The following YBX3 variants were observed in gnomAD, a reference collection of about 807,000 sequenced individuals.
The protein encoded by YBX3 is Y-box binding protein 3.
A neutral mutation model predicts 42.4 loss-of-function variants in YBX3; 29 were observed. The observed-to-expected ratio is 0.68, with a 90% CI of 0.51 to 0.93. The LOEUF (loss-of-function observed/expected upper bound fraction) is 0.93, where lower values mean the gene tolerates loss of function less well. Among genes scored for constraint, YBX3 ranks in the 40% least tolerant of loss-of-function variants. The pLI, the probability that YBX3 is intolerant of heterozygous loss-of-function variation, is 0.00. For missense variants in YBX3, 517 were observed against 527.5 expected (o/e 0.98, Z 0.19); for synonymous variants, 195 against 189.8 (o/e 1.03, Z -0.22).
At position 10,709,953 on chromosome 12, in the gene YBX3, G is replaced by A. The variant is rs753515446; in HGVS notation, c.735C>T (p.Thr245=). 1.2e-6 allele frequency: 2 copies of A among 1,614,256 alleles called. No individual in the cohort carries two copies. Among genetic ancestry groups the A allele is most frequent in the Admixed American group, 3.3e-5 (2 of 60,036 alleles). ...RRFPPYHVGQ[T]FDRRSRVLPH... ...GTAAGACCCGTGAGCGACGGTCAAA[G>A]GTCTGTCCCACGTGGTAAGGCGGGA... Residue 245 remains threonine (T), a synonymous_variant, in exon 6 of 10, where the codon ACC becomes ACT. Transcript: ENST00000228251.
chr12:10,700,718 G>A (rs1372925012), intron 9 of YBX3, among the ~76,000 whole-genome samples: 2 of 152,096 alleles, frequency 1.3e-5, no homozygotes, highest in African/African-American at 4.8e-5. Flanking sequence ...AGATAGTACT[G>A]AGACAGAGGA....
chr12:10,700,767 T>C (rs1948069365), intron 9 of YBX3, among the ~76,000 whole-genome samples: 1 of 152,130 alleles, frequency 6.6e-6, no homozygotes, highest in Non-Finnish European at 1.5e-5. Context: ...AGAGGTACAG[T>C]AGAGCCTGCA....
In YBX3 at chr12:10,704,085, G is replaced by T; in HGVS notation, c.844C>A (p.His282Asn). Residue 282 changes from histidine to asparagine, a missense_variant, in exon 7 of 10, where the codon CAT becomes AAT. By Grantham distance (68) the His-to-Asn change is moderately conservative. Coordinates refer to ENST00000228251, the MANE Select transcript of YBX3 (RefSeq NM_003651.5). ...CTTGGGCGGTAAGTTGGATTTCGATGAACCGGTCCCTGAAGTTGTGCTCCC... is the reference window on the plus strand; with the variant it reads ...CTTGGGCGGTAAGTTGGATTTCGATTAACCGGTCCCTGAAGTTGTGCTCCC... ...PEGAQLQGPV[H>N]RNPTYRPRYR... The T allele has an allele frequency of 6.2e-7, 1 of 1,614,178 alleles. No homozygotes were observed. The highest frequency in any genetic ancestry group is 8.5e-7 in the Non-Finnish European group (1 of 1,180,038).
At chr12:10,703,267 A>G (rs1192569555) in intron 7 of YBX3, 1 of 152,420 alleles carries the variant, frequency 6.6e-6, no homozygotes, top group Non-Finnish European at 1.5e-5. Flanking sequence ...CATAAACATC[A>G]TTCAGGAAGA....
At chr12:10,709,285 G>A (rs1296219301) in intron 6 of YBX3, among the ~76,000 whole-genome samples, 1 of 152,082 alleles carries the variant, frequency 6.6e-6, no homozygotes, top group Non-Finnish European at 1.5e-5. Context: ...ATTGATGTAA[G>A]GTTTATTAAG....
chr12:10,713,398 C>T (rs1172992409), intron 4 of YBX3, 65 bp from the exon 5 acceptor site: 1 of 1,564,870 alleles, frequency 6.4e-7, no homozygotes, highest in African/African-American at 1.4e-5. Flanking sequence ...AAAAAACAGC[C>T]TTGGACTGCT....
Position 10,702,142 on chromosome 12 carries a change from G to C in YBX3, c.879-8C>G, listed in dbSNP as rs760389487. The C allele has an allele frequency of 6.2e-7, 1 of 1,609,442 alleles. No individual in the cohort carries two copies. The highest frequency in any genetic ancestry group is 8.5e-7 in the Non-Finnish European group (1 of 1,177,952). ...GGGCGAGGAGGTCCCCTGCTGTAGG[G>C]AACACAGAAGAAAATAGAACAGGTG... On this transcript the variant is annotated splice_polypyrimidine_tract_variant and splice_region_variant and intron_variant, in intron 7 of 9. Transcript: ENST00000228251.
At chr12:10,710,651 TG>T in intron 5 of YBX3, 1 of 1,135,548 alleles carries the variant, frequency 8.8e-7, no homozygotes, top group Non-Finnish European at 1.2e-6. Flanking sequence ...AGATGCTATT[TG>T]CCTTTCCCAG....
chr12:10,713,260 C>T lies in YBX3; in HGVS notation c.524G>A (p.Arg175His), dbSNP rs556212469. ...TCCATAGTAGCCACGTCTGTAACGGCGCCGATCTGCAGCGTAACGACTCCC... is the reference window on the plus strand; with the variant it reads ...TCCATAGTAGCCACGTCTGTAACGGTGCCGATCTGCAGCGTAACGACTCCC... ...VEGSRYAADRRRYRRGYYGRR... is the reference protein window; with the variant it reads ...VEGSRYAADRHRYRRGYYGRR... The change falls in exon 5 of 10, where the codon CGC becomes CAC. Residue 175 changes from arginine to histidine, a missense_variant. Around this residue, in one of 3 missense-constraint regions of YBX3, gnomAD observed 420 missense variants for 408.5 expected, o/e 1.03. Transcript: ENST00000228251. 127 of 1,614,048 alleles carry T rather than the reference C, an allele frequency of 7.9e-5. No homozygotes were observed. The East Asian group carries it at 2.4e-3, about 30-fold the overall frequency.
chr12:10,716,921 C>T (rs964981221), intron 3 of YBX3, among the ~76,000 whole-genome samples: 3 of 152,114 alleles, frequency 2.0e-5, no homozygotes, highest in Admixed American at 1.3e-4. Context: ...GGGCTGGAAT[C>T]GGGTCATATA....
chr12:10,722,889 T>TAAAGAGGCGGC lies in YBX3; in HGVS notation c.222_223insGCCGCCTCTTT (p.Thr75AlafsTer37). 3 of 1,472,694 alleles carry TAAAGAGGCGGC rather than the reference T, an allele frequency of 2.0e-6. No homozygotes were observed. Among genetic ancestry groups the TAAAGAGGCGGC allele is most frequent in the Non-Finnish European group, 1.8e-6 (2 of 1,112,046 alleles). The allele number at this position is 1,472,694 out of a possible 1,614,324, so 91.2% of individuals were successfully genotyped here. A position where few individuals can be genotyped will look rare whatever the true frequency, so the allele number is the denominator to read the frequency against. The stretch of plus-strand genomic sequence containing the variant: ...TCCGCGTCTTCGCTGCCGGCGGCGG[T>TAAAGAGGCGGC]GGCTAAAGAGGCGGCGGCCGCGGTG... On this transcript the variant is annotated frameshift_variant, in exon 1 of 10. Transcript: ENST00000228251. LOFTEE classifies it high-confidence loss of function.
intron 6 of YBX3, among the ~76,000 whole-genome samples, chr12:10,708,378 C>T (rs755852131): frequency 4.6e-5 from 7 of 151,602 alleles, no homozygotes; most frequent in Non-Finnish European, 7.4e-5. Flanking sequence ...AAAACGTTGG[C>T]GAAGACTTTT....
At position 10,713,322 on chromosome 12, in the gene YBX3, A is replaced by G. The variant is rs1197180015; in HGVS notation, c.462T>C (p.Ala154=). The G allele has an allele frequency of 6.2e-7, 1 of 1,613,954 alleles. No individual in the cohort carries two copies. The highest frequency in any genetic ancestry group is 8.5e-7 in the Non-Finnish European group (1 of 1,180,012). The stretch of plus-strand genomic sequence containing the variant: ...CTCCATCCGGGCCAGTCACATTGGC[A>G]GCTTCTGCACCCTGAGAAGAAAATA... ...DVVEGEKGAE[A]ANVTGPDGVP... The change falls in exon 5 of 10, where the codon GCT becomes GCC. Residue 154 remains alanine (A), a synonymous_variant. Coordinates refer to ENST00000228251, the MANE Select transcript of YBX3 (RefSeq NM_003651.5).
intron 7 of YBX3, chr12:10,703,286 C>A (rs1248871546): frequency 6.6e-6 from 1 of 152,464 alleles, no homozygotes; most frequent in African/African-American, 2.4e-5. Context: ...GAAGTTGTAG[C>A]TTTTCCACTT....
chr12:10,716,146 G>A, intron 3 of YBX3: 2 of 175,692 alleles, frequency 1.1e-5, no homozygotes, highest in South Asian at 1.4e-4. Context: ...AATCTCCGGA[G>A]GAGGAAAGGA....
At chr12:10,700,838 TG>T (rs1446147516) in intron 9 of YBX3, among the ~76,000 whole-genome samples, 1 of 148,290 alleles carries the variant, frequency 6.7e-6, no homozygotes, top group Non-Finnish European at 1.5e-5. Context: ...TAAATAAAGT[TG>T]ATTATCAAAG....
intron 6 of YBX3, among the ~76,000 whole-genome samples, chr12:10,704,632 T>C (rs1948117527): frequency 7.5e-6 from 1 of 133,976 alleles, no homozygotes; most frequent in South Asian, 2.2e-4. Context: ...AAAACATCCC[T>C]TCCTCCCCCT....
At chr12:10,705,385 G>A (rs575607009) in intron 6 of YBX3, among the ~76,000 whole-genome samples, 9 of 152,182 alleles carry the variant, frequency 5.9e-5, no homozygotes, top group Admixed American at 4.6e-4. Context: ...GAGCCACCAC[G>A]TTGGTTTTCA....
At position 10,713,212 on chromosome 12, in the gene YBX3, T is replaced by A; in HGVS notation, c.572A>T (p.Asn191Ile). 1 of 1,610,818 alleles carries A rather than the reference T, an allele frequency of 6.2e-7. No individual in the cohort carries two copies. The highest frequency in any genetic ancestry group is 1.1e-5 in the South Asian group (1 of 90,484). Reference protein sequence around the residue: ...YYGRRRGPPRNYAGEEEEEGS... With the variant: ...YYGRRRGPPRIYAGEEEEEGS... The stretch of plus-strand genomic sequence containing the variant: ...GGTTAAGTAACAGAGACAACGTACA[T>A]TCCGGGGAGGGCCACGGCGCCTTCC... The change falls in exon 5 of 10, where the codon AAT becomes ATT. Residue 191 changes from asparagine (N) to isoleucine (I), a missense_variant and splice_region_variant. Physicochemically the swap from Asn to Ile is moderately radical, Grantham distance 149. Transcript: ENST00000228251.
Sources: allele counts gnomAD v4.1 joint callset (sites outside exome capture counted in the v4.1 genomes callset), GRCh38; gene constraint gnomAD v4.1.1; regional missense constraint gnomAD v4.1.1; transcripts MANE v1.5; gene names NCBI Gene and HGNC (gene_info 2026-07-23, HGNC 2026-07-21).